HLTF: variants seen among roughly 807,000 people sequenced by gnomAD.
HLTF encodes the protein helicase like transcription factor, also known as DNA-dependent ATPase/E3 ubiquitin-protein ligase HLTF.
HLTF carries 127 observed loss-of-function variants against 129.4 expected under a neutral mutation model. The observed-to-expected ratio is 0.98, with a 90% CI of 0.85 to 1.14. The LOEUF is 1.14. Among genes scored for constraint, HLTF ranks in the 50% most tolerant of loss-of-function variants. HLTF has a pLI of 0.00. For missense variants in HLTF, 1,139 were observed against 1,187.1 expected (o/e 0.96, Z 0.60); for synonymous variants, 332 against 388.8 (o/e 0.85, Z 1.72).
intron 17 of HLTF, among the ~76,000 whole-genome samples, chr3:149,046,617 G>A (rs1716569204): frequency 6.6e-6 from 1 of 152,040 alleles, no homozygotes; most frequent in Non-Finnish European, 1.5e-5. Flanking sequence ...CAAATTCTAA[G>A]TATCTATTAA....
At chr3:149,042,453 A>G (rs890708256) in intron 18 of HLTF, among the ~76,000 whole-genome samples, 163 bp from the exon 19 acceptor site, 9 of 152,162 alleles carry the variant, frequency 5.9e-5, no homozygotes, top group African/African-American at 2.2e-4. Flanking sequence ...AGAGAGATCT[A>G]TAACAATAAG....
chr3:149,085,698 G>A (rs1164488121), intron 1 of HLTF, among the ~76,000 whole-genome samples: 1 of 152,138 alleles, frequency 6.6e-6, no homozygotes, highest in Non-Finnish European at 1.5e-5. Flanking sequence ...TTGGCCCCAA[G>A]CCACCCGTAC....
chr3:149,080,910 G>A (rs1719805932), intron 2 of HLTF, among the ~76,000 whole-genome samples: 2 of 152,116 alleles, frequency 1.3e-5, no homozygotes, highest in Non-Finnish European at 2.9e-5. Context: ...CAACATTTCA[G>A]CAATGACAGA....
chr3:149,034,726 T>C (rs567928705), intron 24 of HLTF, among the ~76,000 whole-genome samples, 192 bp downstream of exon 24: 1 of 152,306 alleles, frequency 6.6e-6, no homozygotes, highest in East Asian at 1.9e-4. Flanking sequence ...GATGTACACA[T>C]AACTATAAAT....
intron 2 of HLTF, among the ~76,000 whole-genome samples, chr3:149,077,017 G>A (rs560424971): frequency 1.3e-5 from 2 of 152,178 alleles, no homozygotes; most frequent in African/African-American, 4.8e-5. Flanking sequence ...GGGAGGCCGA[G>A]GTGGGAAGAT....
At position 149,073,270 on chromosome 3, in the gene HLTF, G is replaced by A; in HGVS notation, c.582C>T (p.Ser194=). The A allele has an allele frequency of 6.2e-7, 1 of 1,613,230 alleles. No homozygotes were observed. Among genetic ancestry groups the A allele is most frequent in the Admixed American group, 1.7e-5 (1 of 59,926 alleles). Residue 194 remains serine (S), a synonymous_variant, in exon 5 of 25, where the codon AGC becomes AGT. Coordinates refer to ENST00000310053, the MANE Select transcript of HLTF (RefSeq NM_003071.4). ...CTGCAGCATGCACTGGCATACTATA[G>A]CTTGGTCCAGCTCTTCCAGAGCCCC... ...SGWGSGRAGP[S]YSMPVHAAVQ...
intron 23 of HLTF, among the ~76,000 whole-genome samples, chr3:149,035,221 G>T (rs1413820860): frequency 6.6e-6 from 1 of 151,098 alleles, no homozygotes; most frequent in African/African-American, 2.4e-5. Context: ...CCTAATACAG[G>T]CCCCGACATA....
rs1718817689 is a variant in HLTF, at chr3:149,071,119, G to A, written c.894+133C>T. 4 of 536,258 alleles carry A rather than the reference G, an allele frequency of 7.5e-6. No homozygotes were observed. The African/African-American group carries it at 7.8e-5, about 10-fold the overall frequency. The allele number at this position is 536,258 out of a possible 1,614,324, so 33.2% of individuals were successfully genotyped here. A position where few individuals can be genotyped will look rare whatever the true frequency, so the allele number is the denominator to read the frequency against. ...AACTAAAAACTACAGGAAAAACTGTGTTCTACAAAGATAGTAAGATCTAGT... is the reference window on the plus strand; with the variant it reads ...AACTAAAAACTACAGGAAAAACTGTATTCTACAAAGATAGTAAGATCTAGT... On this transcript the variant is annotated intron_variant, in intron 7 of 24. Coordinates refer to ENST00000310053, the MANE Select transcript of HLTF (RefSeq NM_003071.4).
chr3:149,076,099 CTT>C (rs1371697912), intron 2 of HLTF, 52 bp from the exon 3 acceptor site: 2 of 659,812 alleles, frequency 3.0e-6, no homozygotes, highest in Non-Finnish European at 4.9e-6. Flanking sequence ...TAGACAATAA[CTT>C]TGTTATACTT....
At chr3:149,070,023 TG>T (rs2108041645) in intron 7 of HLTF, among the ~76,000 whole-genome samples, 1 of 152,348 alleles carries the variant, frequency 6.6e-6, no homozygotes, top group South Asian at 2.1e-4. Context: ...CAATGCCTGG[TG>T]TTATAAAATC....
At chr3:149,048,003 T>C (rs1345175794) in intron 17 of HLTF, 25 bp downstream of exon 17, 5 of 1,561,178 alleles carry the variant, frequency 3.2e-6, no homozygotes, top group East Asian at 2.3e-5. Context: ...GTAACTAATA[T>C]TAATCACTGT....
At chr3:149,042,809 A>G (rs1287143403) in intron 18 of HLTF, among the ~76,000 whole-genome samples, 1 of 152,082 alleles carries the variant, frequency 6.6e-6, no homozygotes, top group Non-Finnish European at 1.5e-5. Flanking sequence ...TACTAATAAA[A>G]CCTAAAGTAA....
At chr3:149,071,506 G>A (rs2108045733) in intron 6 of HLTF, 63 bp from the exon 7 acceptor site, 1 of 1,488,398 alleles carries the variant, frequency 6.7e-7, no homozygotes, top group East Asian at 2.3e-5. Context: ...TGCAGATCCT[G>A]TGATTAAACA....
At position 149,073,325 on chromosome 3, in the gene HLTF, A is replaced by AT; in HGVS notation, c.530-4dup. 1.3e-6 allele frequency: 2 copies of AT among 1,586,320 alleles called. No homozygotes were observed. The highest frequency in any genetic ancestry group is 1.7e-6 in the Non-Finnish European group (2 of 1,159,240). ...ACTTTCCAAATTGAATCCTAAAGCTATAATTTACAAAATAAAAAGAATAAA... is the reference window on the plus strand; with the variant it reads ...ACTTTCCAAATTGAATCCTAAAGCTATTAATTTACAAAATAAAAAGAATAAA... On this transcript the variant is annotated splice_polypyrimidine_tract_variant and splice_region_variant and intron_variant, in intron 4 of 24. Coordinates refer to ENST00000310053, the MANE Select transcript of HLTF (RefSeq NM_003071.4).
intron 1 of HLTF, 72 bp downstream of exon 1, chr3:149,086,245 G>A: frequency 6.8e-7 from 1 of 1,472,160 alleles, no homozygotes; most frequent in Non-Finnish European, 9.4e-7. Flanking sequence ...AGGAACGCGG[G>A]GAAGGTCAGG....
At chr3:149,043,561 A>C (rs1016237048) in intron 18 of HLTF, among the ~76,000 whole-genome samples, 1 of 151,098 alleles carries the variant, frequency 6.6e-6, no homozygotes, top group African/African-American at 2.4e-5. Flanking sequence ...AAAAAAAAAA[A>C]AAAAAAAACC....
Position 149,030,958 on chromosome 3 carries a change from G to A in HLTF, c.*1262C>T, listed in dbSNP as rs1714967197. On this transcript the variant is annotated 3_prime_UTR_variant, in exon 25 of 25. Coordinates refer to ENST00000310053, the MANE Select transcript of HLTF (RefSeq NM_003071.4). ...TGACTTCCAACACTCTTAAGTCTCA[G>A]GTATTCTTAAATCTGTATCATCAAA... 6.6e-6 allele frequency: 1 copy of A among 152,056 alleles called. No homozygotes were observed. The highest frequency in any genetic ancestry group is 1.5e-5 in the Non-Finnish European group (1 of 68,002). 9.4% of individuals were successfully genotyped at this position (152,056 alleles called of 1,614,324 possible).
intron 4 of HLTF, among the ~76,000 whole-genome samples, chr3:149,073,860 A>G (rs1719087811): frequency 6.6e-6 from 1 of 151,740 alleles, no homozygotes; most frequent in Non-Finnish European, 1.5e-5. Context: ...ATTCGCTATC[A>G]GAAGATTATT....
intron 13 of HLTF, 128 bp downstream of exon 13, chr3:149,059,590 T>C: frequency 1.6e-6 from 1 of 624,340 alleles, no homozygotes. Flanking sequence ...TAATGGGTTA[T>C]ATACTTTAAA....
Sources: allele counts gnomAD v4.1 joint callset (sites outside exome capture counted in the v4.1 genomes callset), GRCh38; gene constraint gnomAD v4.1.1; transcripts MANE v1.5; gene names NCBI Gene and HGNC (gene_info 2026-07-23, HGNC 2026-07-21).